The following SERINC1 variants were observed in gnomAD, a reference collection of about 807,000 sequenced individuals.
The protein encoded by SERINC1 is tumor differentially expressed protein 2.
SERINC1 carries 38 observed loss-of-function variants against 52.9 expected under a neutral mutation model. That is an observed-to-expected ratio of 0.72 (90% CI 0.55 to 0.94). SERINC1 has a LOEUF of 0.94. Ranked by LOEUF, SERINC1 falls within the 40% of genes least tolerant of loss-of-function variation. The probability of loss-of-function intolerance (pLI) is 0.00; values close to 1 mark genes in which losing one functional copy is unlikely to be tolerated. For missense variants in SERINC1, 471 were observed against 533.9 expected (o/e 0.88, Z 1.16); for synonymous variants, 198 against 183.1 (o/e 1.08, Z -0.66).
chr6:122,463,930 A>G (rs1775147049), intron 1 of SERINC1, among the ~76,000 whole-genome samples: 1 of 152,220 alleles, frequency 6.6e-6, no homozygotes, highest in Non-Finnish European at 1.5e-5. Flanking sequence ...TGTAATCATC[A>G]AAACCTAGAA....
intron 7 of SERINC1, among the ~76,000 whole-genome samples, chr6:122,450,522 C>T (rs1003048986): frequency 6.6e-6 from 1 of 152,102 alleles, no homozygotes; most frequent in Non-Finnish European, 1.5e-5. Flanking sequence ...GTAATTTCAA[C>T]GTTTAAATCT....
At chr6:122,460,072 AT>A (rs889705850) in intron 1 of SERINC1, among the ~76,000 whole-genome samples, 2 of 152,004 alleles carry the variant, frequency 1.3e-5, no homozygotes, top group African/African-American at 4.8e-5. Context: ...TATTTTATTG[AT>A]TAATTGATTG....
intron 1 of SERINC1, among the ~76,000 whole-genome samples, chr6:122,470,922 G>C (rs1398469734): frequency 2.0e-5 from 3 of 151,824 alleles, no homozygotes; most frequent in Non-Finnish European, 4.4e-5. Flanking sequence ...ACGGACCAAA[G>C]TCTTGCCACT....
intron 7 of SERINC1, among the ~76,000 whole-genome samples, chr6:122,450,217 A>G (rs1408561768): frequency 6.6e-6 from 1 of 152,222 alleles, no homozygotes; most frequent in East Asian, 1.9e-4. Flanking sequence ...TTTAAGAGAA[A>G]GCCAATGTTC....
At chr6:122,446,153 G>A (rs1301921657) in intron 9 of SERINC1, among the ~76,000 whole-genome samples, 3 of 151,788 alleles carry the variant, frequency 2.0e-5, no homozygotes, top group African/African-American at 7.3e-5. Context: ...AAATCTTTCA[G>A]TAATCATTTG....
rs1430162874 is a variant in SERINC1 at position 122,458,674 on chromosome 6, CA to C, written c.46del (p.Cys16ValfsTer22). On this transcript the variant is annotated frameshift_variant, in exon 2 of 10. Transcript: ENST00000339697. LOFTEE classifies it high-confidence loss of function. ...GLCSMASWIP[C>X]LCGSAPCLLC... Reference sequence around the variant, plus strand: ...CAAACACGGGGCACTTCCACACAAACATGGTATCTGGGAAAAAGAATATTAT... The same window carrying C: ...CAAACACGGGGCACTTCCACACAAACTGGTATCTGGGAAAAAGAATATTAT... The C allele has an allele frequency of 6.3e-7, 1 of 1,592,114 alleles. No individual in the cohort carries two copies. The highest frequency in any genetic ancestry group is 1.7e-5 in the Admixed American group (1 of 58,182).
Position 122,443,633 on chromosome 6 carries a change from A to G in SERINC1, c.*1411T>C, listed in dbSNP as rs1176015791. 6.6e-6 allele frequency: 1 copy of G among 152,182 alleles called. No homozygotes were observed. The highest frequency in any genetic ancestry group is 2.4e-5 in the African/African-American group (1 of 41,420). 9.4% of individuals were successfully genotyped at this position (152,182 alleles called of 1,614,324 possible). ...CAGTAAATACAAAAGCATTTTAAAC[A>G]TCTTTTGAACTGTGTAGTATACTAT... On this transcript the variant is annotated 3_prime_UTR_variant, in exon 10 of 10. Transcript: ENST00000339697.
At chr6:122,457,041 T>C (rs187921707) in intron 2 of SERINC1, among the ~76,000 whole-genome samples, 9 of 152,238 alleles carry the variant, frequency 5.9e-5, no homozygotes, top group Admixed American at 1.3e-4. Context: ...GAATAAATTA[T>C]TTCCTCCCAC....
At chr6:122,454,883 C>T (rs1339053652) in intron 3 of SERINC1, among the ~76,000 whole-genome samples, 1 of 152,188 alleles carries the variant, frequency 6.6e-6, no homozygotes, top group Non-Finnish European at 1.5e-5. Context: ...GTACTTCCTC[C>T]TTGTTTTGTC....
chr6:122,471,786 T>G lies in SERINC1; in HGVS notation c.-49A>C, dbSNP rs1471976899. 1.9e-6 allele frequency: 3 copies of G among 1,612,700 alleles called. No homozygotes were observed. The South Asian group carries it at 3.3e-5, about 18-fold the overall frequency. On this transcript the variant is annotated 5_prime_UTR_variant, in exon 1 of 10. Coordinates refer to ENST00000339697, the MANE Select transcript of SERINC1 (RefSeq NM_020755.4). ...GGATACAGACAAGATGGAGACAGCTTCTTTCTCGCCTTTCCGAGATTATTT... is the reference window on the plus strand; with the variant it reads ...GGATACAGACAAGATGGAGACAGCTGCTTTCTCGCCTTTCCGAGATTATTT...
intron 1 of SERINC1, among the ~76,000 whole-genome samples, chr6:122,461,919 T>A (rs910025066): frequency 1.3e-5 from 2 of 152,036 alleles, no homozygotes; most frequent in African/African-American, 4.8e-5. Context: ...AAAGACATCA[T>A]AAGAAAATAA....
At chr6:122,464,693 T>C (rs1775157696) in intron 1 of SERINC1, among the ~76,000 whole-genome samples, 1 of 152,170 alleles carries the variant, frequency 6.6e-6, no homozygotes, top group Non-Finnish European at 1.5e-5. Context: ...AATAAATCCT[T>C]TTTGAAAAAT....
chr6:122,469,548 T>TTTTTG (rs539537090), intron 1 of SERINC1, among the ~76,000 whole-genome samples: 225 of 151,880 alleles, frequency 1.5e-3, no homozygotes, highest in African/African-American at 4.9e-3. Flanking sequence ...GATTTTTGTT[T>TTTTTG]TTTTGTTTTG....
At chr6:122,447,349 A>G in intron 7 of SERINC1, 84 bp from the exon 8 acceptor site, 1 of 980,546 alleles carries the variant, frequency 1.0e-6, no homozygotes, top group Non-Finnish European at 1.5e-6. Flanking sequence ...TTAACTCTCT[A>G]TACCCCTGCA....
At chr6:122,468,930 C>T (rs1775229146) in intron 1 of SERINC1, among the ~76,000 whole-genome samples, 2 of 151,970 alleles carry the variant, frequency 1.3e-5, no homozygotes, top group Non-Finnish European at 2.9e-5. Flanking sequence ...CTCACTAATA[C>T]CAATGTTGAG....
At chr6:122,457,066 G>C (rs1775011592) in intron 2 of SERINC1, among the ~76,000 whole-genome samples, 1 of 151,970 alleles carries the variant, frequency 6.6e-6, no homozygotes, top group African/African-American at 2.4e-5. Flanking sequence ...TCCAGTCCCA[G>C]CACTCTAAAA....
intron 1 of SERINC1, among the ~76,000 whole-genome samples, chr6:122,460,988 A>G (rs762816918): frequency 1.3e-5 from 2 of 152,166 alleles, no homozygotes; most frequent in African/African-American, 2.4e-5. Context: ...ACCTGAAGAC[A>G]TAAGAAAATA....
At chr6:122,448,574 C>G (rs559570479) in intron 7 of SERINC1, among the ~76,000 whole-genome samples, 2 of 152,050 alleles carry the variant, frequency 1.3e-5, no homozygotes, top group South Asian at 4.2e-4. Flanking sequence ...CATTACAAAG[C>G]CCAATTATCA....
chr6:122,462,816 G>A (rs1420112762), intron 1 of SERINC1, among the ~76,000 whole-genome samples: 2 of 152,086 alleles, frequency 1.3e-5, no homozygotes, highest in African/African-American at 2.4e-5. Flanking sequence ...ACAAAACATT[G>A]GTGAAAGAAA....
Sources: allele counts gnomAD v4.1 joint callset (sites outside exome capture counted in the v4.1 genomes callset), GRCh38; gene constraint gnomAD v4.1.1; transcripts MANE v1.5; gene names NCBI Gene and HGNC (gene_info 2026-07-23, HGNC 2026-07-21).